ASAP1: variants seen among roughly 807,000 people sequenced by gnomAD.
ASAP1 encodes arf-GAP with SH3 domain, ANK repeat and PH domain-containing protein 1.
Under a neutral mutation model 145.2 loss-of-function variants are expected in ASAP1, and 43 were observed. The ratio of observed to expected loss-of-function variants is 0.30; its 90% CI spans 0.23 to 0.38. ASAP1 has a LOEUF of 0.38. Among genes scored for constraint, ASAP1 ranks in the 10% least tolerant of loss-of-function variants. The pLI is 1.00. For synonymous variants in ASAP1, 546 were observed against 515.5 expected (o/e 1.06, Z -0.80); for missense variants, 1,018 against 1,355.3 (o/e 0.75, Z 3.91).
intron 2 of ASAP1, among the ~76,000 whole-genome samples, chr8:130,394,903 C>T (rs1382283672): frequency 1.3e-5 from 2 of 152,178 alleles, no homozygotes; most frequent in Admixed American, 1.3e-4. Flanking sequence ...TATCCAGGCT[C>T]ACATGACCAG....
intron 5 of ASAP1, among the ~76,000 whole-genome samples, chr8:130,194,554 G>T (rs1815352839): frequency 6.6e-6 from 1 of 152,140 alleles, no homozygotes; most frequent in Non-Finnish European, 1.5e-5. Flanking sequence ...CTTTATATTA[G>T]CAGTCCCCAA....
intron 3 of ASAP1, among the ~76,000 whole-genome samples, chr8:130,296,506 C>T (rs2137363829): frequency 6.8e-6 from 1 of 147,848 alleles, no homozygotes; most frequent in East Asian, 2.0e-4. Flanking sequence ...CCTGCTACTT[C>T]CCTTTTTTTT....
intron 3 of ASAP1, among the ~76,000 whole-genome samples, chr8:130,318,468 A>G (rs1268574066): frequency 6.6e-6 from 1 of 152,232 alleles, no homozygotes; most frequent in Non-Finnish European, 1.5e-5. Context: ...AAGCACTACT[A>G]TGTGCCAGAT....
chr8:130,113,458 G>A (rs2097549820), intron 23 of ASAP1, among the ~76,000 whole-genome samples: 1 of 152,132 alleles, frequency 6.6e-6, no homozygotes, highest in Non-Finnish European at 1.5e-5. Context: ...TAGCTCTCAG[G>A]AATTTTTCCA....
intron 13 of ASAP1, among the ~76,000 whole-genome samples, chr8:130,145,343 A>C (rs2135899153): frequency 6.6e-6 from 1 of 152,250 alleles, no homozygotes; most frequent in African/African-American, 2.4e-5. Context: ...TTTTAGACGG[A>C]GTCTCGCTCT....
intron 27 of ASAP1, among the ~76,000 whole-genome samples, chr8:130,062,054 T>C (rs1382428857): frequency 6.6e-6 from 1 of 152,216 alleles, no homozygotes; most frequent in Admixed American, 6.5e-5. Context: ...ATGCAAAGAA[T>C]TTACTGACAA....
chr8:130,385,441 A>G (rs1450139531), intron 2 of ASAP1, among the ~76,000 whole-genome samples: 1 of 152,232 alleles, frequency 6.6e-6, no homozygotes, highest in African/African-American at 2.4e-5. Flanking sequence ...TGAGGCCCAA[A>G]GCCTCCTCTC....
intron 3 of ASAP1, among the ~76,000 whole-genome samples, chr8:130,304,927 G>C (rs1220659809): frequency 6.6e-6 from 1 of 152,190 alleles, no homozygotes; most frequent in Non-Finnish European, 1.5e-5. Flanking sequence ...CCAAAGTCTT[G>C]ACAGCAGTCA....
At chr8:130,212,814 A>G (rs1816667663) in intron 5 of ASAP1, among the ~76,000 whole-genome samples, 1 of 152,234 alleles carries the variant, frequency 6.6e-6, no homozygotes, top group Admixed American at 6.5e-5. Flanking sequence ...GTTGAAAGGA[A>G]CCTGCAGCGT....
At chr8:130,149,515 T>A (rs1341817281) in intron 13 of ASAP1, among the ~76,000 whole-genome samples, 1 of 152,052 alleles carries the variant, frequency 6.6e-6, no homozygotes, top group African/African-American at 2.4e-5. Flanking sequence ...CTTGCTTGGG[T>A]GGCCAAGCCA....
intron 1 of ASAP1, among the ~76,000 whole-genome samples, chr8:130,441,789 C>G (rs187410702): frequency 1.1e-4 from 17 of 152,170 alleles, no homozygotes; most frequent in Non-Finnish European, 2.2e-4. Flanking sequence ...AAAGTCCTTT[C>G]TCTCCAACAT....
chr8:130,276,425 ATTTAGGCT>A (rs888000151), intron 3 of ASAP1, among the ~76,000 whole-genome samples: 7 of 152,172 alleles, frequency 4.6e-5, no homozygotes, highest in Non-Finnish European at 1.5e-5. Flanking sequence ...TGAATTCAAA[ATTTAGGCT>A]TTTCTTCTAC....
intron 24 of ASAP1, among the ~76,000 whole-genome samples, chr8:130,104,054 T>G (rs998187585): frequency 2.6e-5 from 4 of 152,216 alleles, no homozygotes; most frequent in Non-Finnish European, 5.9e-5. Context: ...TTTCTCTTCC[T>G]TTCCAGACTG....
chr8:130,179,415 G>C (rs1039643704), intron 8 of ASAP1, 66 bp from the exon 9 acceptor site: 9 of 997,942 alleles, frequency 9.0e-6, no homozygotes, highest in Middle Eastern at 2.1e-4. Context: ...CATGGGTTCA[G>C]GTGGCTGAAC....
intron 24 of ASAP1, among the ~76,000 whole-genome samples, chr8:130,096,231 C>A (rs540442320): frequency 5.3e-5 from 8 of 152,216 alleles, no homozygotes; most frequent in African/African-American, 1.9e-4. Flanking sequence ...CAGAAGACTT[C>A]CAAAATTAGT....
rs1038086659 is a variant in ASAP1, at chr8:130,424,792, G to A, written c.-28+18668C>T. Reference sequence around the variant, plus strand: ...GCGGATCACGAGGTCAGGAGATCAAGACCATCTTGGCTAACACGATGAAAC... The same window carrying A: ...GCGGATCACGAGGTCAGGAGATCAAAACCATCTTGGCTAACACGATGAAAC... On this transcript the variant is annotated intron_variant, in intron 1 of 29. Transcript: ENST00000518721. Among the ~76,000 whole-genome samples the A allele has an allele frequency of 6.2e-4, 95 of 152,090 alleles. 1 individual carries two copies. The highest frequency in any genetic ancestry group is 4.4e-4 in the Non-Finnish European group (30 of 68,006).
At chr8:130,161,026 G>A (rs559835310) in intron 11 of ASAP1, among the ~76,000 whole-genome samples, 2 of 152,254 alleles carry the variant, frequency 1.3e-5, no homozygotes, top group East Asian at 1.9e-4. Flanking sequence ...GTCATATGGC[G>A]TGAGAACAGA....
chr8:130,287,136 A>T (rs1252959384), intron 3 of ASAP1, among the ~76,000 whole-genome samples: 1 of 152,166 alleles, frequency 6.6e-6, no homozygotes, highest in Non-Finnish European at 1.5e-5. Flanking sequence ...ACTCTAATTG[A>T]ACAAAGCTGA....
intron 2 of ASAP1, among the ~76,000 whole-genome samples, chr8:130,364,143 G>A (rs915122911): frequency 3.9e-5 from 6 of 152,040 alleles, no homozygotes; most frequent in African/African-American, 9.7e-5. Flanking sequence ...AGTTTTCTCA[G>A]TAAAGAGAAG....
Sources: allele counts gnomAD v4.1 joint callset (sites outside exome capture counted in the v4.1 genomes callset), GRCh38; gene constraint gnomAD v4.1.1; transcripts MANE v1.5; gene names NCBI Gene and HGNC (gene_info 2026-07-23, HGNC 2026-07-21).